Variants in MCU observed in about 807,000 individuals in gnomAD.
MCU encodes the protein calcium uniporter protein, mitochondrial.
A neutral mutation model predicts 45.2 loss-of-function variants in MCU; 12 were observed. That is an observed-to-expected ratio of 0.27 (90% CI 0.17 to 0.43). The LOEUF (loss-of-function observed/expected upper bound fraction) is 0.43, where lower values mean the gene tolerates loss of function less well. Ranked by LOEUF, MCU falls within the 20% of genes least tolerant of loss-of-function variation. MCU has a pLI of 1.00. For synonymous variants in MCU, 160 were observed against 165.1 expected, an observed-to-expected ratio of 0.97 and a Z score of 0.24; for missense variants, 324 against 436.7, an observed-to-expected ratio of 0.74 and a Z score of 2.30.
chr10:72,855,949 A>G (rs1458746735), intron 2 of MCU, among the ~76,000 whole-genome samples: 1 of 152,236 alleles, frequency 6.6e-6, no homozygotes, highest in East Asian at 1.9e-4. Context: ...GCAAATAATC[A>G]TAAAAGCTTT....
At chr10:72,804,806 A>G (rs948327754) in intron 1 of MCU, among the ~76,000 whole-genome samples, 1 of 152,196 alleles carries the variant, frequency 6.6e-6, no homozygotes, top group African/African-American at 2.4e-5. Context: ...TTATTGGTTG[A>G]TTGATTGATT....
chr10:72,724,481 T>C (rs1843070208), intron 1 of MCU, among the ~76,000 whole-genome samples: 1 of 152,226 alleles, frequency 6.6e-6, no homozygotes, highest in Admixed American at 6.5e-5. Context: ...TAATCCTTTG[T>C]GATTTTAACT....
At chr10:72,694,232 C>T (rs1188359720) in intron 1 of MCU, among the ~76,000 whole-genome samples, 1 of 152,178 alleles carries the variant, frequency 6.6e-6, no homozygotes, top group East Asian at 1.9e-4. Flanking sequence ...TATTTTTCTA[C>T]AATTCTTCTG....
intron 1 of MCU, among the ~76,000 whole-genome samples, chr10:72,805,182 C>T (rs566490225): frequency 1.3e-4 from 15 of 112,372 alleles, no homozygotes; most frequent in African/African-American, 3.6e-4. Flanking sequence ...TCTCTCTTTC[C>T]TTCCTTCCTT....
At chr10:72,861,762 G>T in intron 4 of MCU, 1 of 324,076 alleles carries the variant, frequency 3.1e-6, no homozygotes, top group South Asian at 2.3e-5. Flanking sequence ...CTCCCAAAGT[G>T]CCGAGATTAT....
intron 1 of MCU, among the ~76,000 whole-genome samples, chr10:72,752,013 G>C (rs751195447): frequency 1.3e-5 from 2 of 151,154 alleles, no homozygotes; most frequent in East Asian, 4.0e-4. Flanking sequence ...CCAATTTTTT[G>C]TATTTTTAAT....
In MCU at chr10:72,692,174, C is replaced by T. The variant is rs772003872; in HGVS notation, c.23C>T (p.Ser8Leu). 2 of 1,286,628 alleles carry T rather than the reference C, an allele frequency of 1.6e-6. No homozygotes were observed. The highest frequency in any genetic ancestry group is 3.6e-5 in the South Asian group (1 of 27,742). 79.7% of individuals were successfully genotyped at this position (1,286,628 alleles called of 1,614,324 possible). The change falls in exon 1 of 8, where the codon TCG becomes TTG. Residue 8 changes from serine (S) to leucine (L), a missense_variant. Physicochemically the swap from Ser to Leu is moderately radical, Grantham distance 145. Around this residue, in one of 4 missense-constraint regions of MCU, gnomAD observed 111 missense variants for 112.3 expected, o/e 0.99. Coordinates refer to ENST00000373053, the MANE Select transcript of MCU (RefSeq NM_138357.3). MAAAAGR[S>L]LLLLLSSRGG... is the part of the protein sequence containing the mutation. ...GAGATGGCGGCCGCCGCAGGTAGATCGCTCCTGCTGCTCCTCTCCTCTCGG... is the reference window on the plus strand; with the variant it reads ...GAGATGGCGGCCGCCGCAGGTAGATTGCTCCTGCTGCTCCTCTCCTCTCGG...
chr10:72,828,305 A>G (rs370756640), intron 1 of MCU, among the ~76,000 whole-genome samples: 13 of 152,308 alleles, frequency 8.5e-5, no homozygotes, highest in African/African-American at 2.9e-4. Context: ...GCCATGGACA[A>G]ATATATAGAT....
At chr10:72,774,039 C>T (rs1301323570) in intron 1 of MCU, among the ~76,000 whole-genome samples, 2 of 152,092 alleles carry the variant, frequency 1.3e-5, no homozygotes, top group Admixed American at 6.6e-5. Flanking sequence ...GAAAACTTTT[C>T]AACATATAAC....
At chr10:72,748,642 C>A (rs756274913) in intron 1 of MCU, among the ~76,000 whole-genome samples, 2 of 151,788 alleles carry the variant, frequency 1.3e-5, no homozygotes, top group Non-Finnish European at 2.9e-5. Flanking sequence ...CATAGCAAGA[C>A]CCTGTCTCTA....
At chr10:72,713,997 C>T (rs948339912) in intron 1 of MCU, among the ~76,000 whole-genome samples, 2 of 144,230 alleles carry the variant, frequency 1.4e-5, no homozygotes, top group Non-Finnish European at 3.0e-5. Context: ...GTTGGAGTCT[C>T]GCTTTGTCGT....
At chr10:72,749,077 C>T (rs1843457308) in intron 1 of MCU, among the ~76,000 whole-genome samples, 1 of 151,442 alleles carries the variant, frequency 6.6e-6, no homozygotes, top group African/African-American at 2.4e-5. Context: ...GTCTGGGCAA[C>T]AGCAACATGG....
chr10:72,881,752 A>G (rs1194805901), intron 6 of MCU, among the ~76,000 whole-genome samples: 1 of 152,238 alleles, frequency 6.6e-6, no homozygotes, highest in African/African-American at 2.4e-5. Flanking sequence ...ATGGCCAATA[A>G]TAGATTAAAT....
At chr10:72,830,542 C>A (rs2132828563) in intron 1 of MCU, among the ~76,000 whole-genome samples, 1 of 152,292 alleles carries the variant, frequency 6.6e-6, no homozygotes, top group African/African-American at 2.4e-5. Context: ...ATGATAGGTT[C>A]ATGAGATTTC....
In MCU at chr10:72,760,073, C is replaced by T. The variant is rs529655759; in HGVS notation, c.150+67772C>T. ...ATTTTTTTTTTTTTTGAGACAGAGT[C>T]TAGCTCTTTTGCCTGGGCTAGAGTG... On this transcript the variant is annotated intron_variant, in intron 1 of 7. Transcript: ENST00000373053. 5.3e-5 allele frequency among the ~76,000 whole-genome samples: 8 copies of T among 149,992 alleles called. No homozygotes were observed. The East Asian group carries it at 1.6e-3, about 29-fold the overall frequency.
chr10:72,735,031 G>A (rs532144020), intron 1 of MCU, among the ~76,000 whole-genome samples: 2 of 151,560 alleles, frequency 1.3e-5, no homozygotes, highest in African/African-American at 4.8e-5. Flanking sequence ...GGCTGTGATC[G>A]GGCCACCGCA....
intron 2 of MCU, among the ~76,000 whole-genome samples, chr10:72,854,861 T>G (rs2132862317): frequency 6.6e-6 from 1 of 152,354 alleles, no homozygotes; most frequent in East Asian, 1.9e-4. Flanking sequence ...AACAGAGATC[T>G]TATGACCCAC....
At chr10:72,800,036 T>C (rs1844314931) in intron 1 of MCU, among the ~76,000 whole-genome samples, 1 of 152,234 alleles carries the variant, frequency 6.6e-6, no homozygotes, top group Non-Finnish European at 1.5e-5. Context: ...AGTGCTGACA[T>C]GACATGCCAA....
chr10:72,722,764 CT>C (rs1843042026), intron 1 of MCU, among the ~76,000 whole-genome samples: 1 of 152,022 alleles, frequency 6.6e-6, no homozygotes, highest in East Asian at 1.9e-4. Flanking sequence ...TTTATGAGGC[CT>C]TTTGTTACTT....
Sources: allele counts gnomAD v4.1 joint callset (sites outside exome capture counted in the v4.1 genomes callset), GRCh38; gene constraint gnomAD v4.1.1; regional missense constraint gnomAD v4.1.1; transcripts MANE v1.5; gene names NCBI Gene and HGNC (gene_info 2026-07-23, HGNC 2026-07-21).